The following VXN variants were observed in gnomAD, a reference collection of about 807,000 sequenced individuals.
VXN encodes the protein vexin.
VXN carries 7 observed loss-of-function variants against 23.1 expected under a neutral mutation model. The ratio of observed to expected loss-of-function variants is 0.30; its 90% CI spans 0.17 to 0.57. The LOEUF (loss-of-function observed/expected upper bound fraction) is 0.57, where lower values mean the gene tolerates loss of function less well. VXN is among the 20% of genes least tolerant of loss of function. VXN has a pLI of 0.91. For missense variants in VXN, 238 were observed against 272.6 expected (o/e 0.87, Z 0.89); for synonymous variants, 120 against 105.8 (o/e 1.13, Z -0.83).
chr8:66,511,054 T>G (rs1323846843), intron 4 of VXN, among the ~76,000 whole-genome samples: 1 of 152,176 alleles, frequency 6.6e-6, no homozygotes, highest in Non-Finnish European at 1.5e-5. Flanking sequence ...CTTGACAAGG[T>G]GGCCCTCTAC....
intron 2 of VXN, among the ~76,000 whole-genome samples, chr8:66,501,039 AT>A (rs552449727): frequency 2.0e-5 from 3 of 151,248 alleles, no homozygotes; most frequent in South Asian, 2.1e-4. Context: ...GGCCCAGCTA[AT>A]TTTTTTTGTA....
At chr8:66,514,671 C>A (rs1216502314) in intron 5 of VXN, among the ~76,000 whole-genome samples, 1 of 152,196 alleles carries the variant, frequency 6.6e-6, no homozygotes. Flanking sequence ...CTCAAGTGAT[C>A]CCCCTGCCTT....
At chr8:66,494,008 C>T (rs1238109269) in intron 1 of VXN, among the ~76,000 whole-genome samples, 1 of 152,194 alleles carries the variant, frequency 6.6e-6, no homozygotes, top group Non-Finnish European at 1.5e-5. Context: ...CAAGCCATTG[C>T]TATGCACACA....
intron 1 of VXN, among the ~76,000 whole-genome samples, chr8:66,494,073 G>A (rs1807598103): frequency 6.6e-6 from 1 of 152,082 alleles, no homozygotes; most frequent in Admixed American, 6.5e-5. Flanking sequence ...TTTCCAGTGA[G>A]CAAGTGGGTT....
At chr8:66,508,288 C>T (rs1023600373) in intron 3 of VXN, among the ~76,000 whole-genome samples, 1 of 152,084 alleles carries the variant, frequency 6.6e-6, no homozygotes, top group African/African-American at 2.4e-5. Flanking sequence ...CCCTGGCTCC[C>T]ACTCCCTTCA....
At chr8:66,494,830 C>T (rs921821678) in intron 1 of VXN, 3 of 152,080 alleles carry the variant, frequency 2.0e-5, no homozygotes, top group Non-Finnish European at 2.9e-5. Context: ...TTCACGGTGG[C>T]ATTGATTCTA....
At position 66,517,690 on chromosome 8, in the gene VXN, G is replaced by A. The variant is rs1309259191; in HGVS notation, c.*1614G>A. The A allele has an allele frequency of 2.0e-5, 3 of 152,160 alleles. No homozygotes were observed. The highest frequency in any genetic ancestry group is 2.9e-5 in the Non-Finnish European group (2 of 68,020). 9.4% of individuals were successfully genotyped at this position (152,160 alleles called of 1,614,324 possible). On this transcript the variant is annotated 3_prime_UTR_variant, in exon 6 of 6. Coordinates refer to ENST00000305454, the MANE Select transcript of VXN (RefSeq NM_152765.4). ...CTGTGGCCTAAACTCTGCCCCTGAA[G>A]GTTTGTTTTCTAATTCAGAGGTTTA... is the stretch of plus-strand genomic sequence containing the variant.
chr8:66,495,102 A>G (rs1586513957), intron 1 of VXN: 1 of 152,236 alleles, frequency 6.6e-6, no homozygotes, highest in African/African-American at 2.4e-5. Context: ...AGAAAAATAC[A>G]AAAACATAGA....
chr8:66,513,661 A>G lies in VXN; in HGVS notation c.440+24A>G, dbSNP rs773402498. ...GGGTAAGTGCTGCGTCTCTGGCCCC[A>G]CTGCCTGTGGCCTCCCACTGTCCTG... On this transcript the variant is annotated intron_variant, in intron 5 of 5. Transcript: ENST00000305454. The G allele has an allele frequency of 2.4e-5, 39 of 1,595,580 alleles. No homozygotes were observed. The East Asian group carries it at 7.6e-4, about 31-fold the overall frequency.
chr8:66,512,614 A>T (rs992506578), intron 4 of VXN, among the ~76,000 whole-genome samples: 2 of 152,036 alleles, frequency 1.3e-5, no homozygotes, highest in African/African-American at 4.8e-5. Flanking sequence ...CTCCTTTGGG[A>T]GGGCTGAGGA....
At chr8:66,515,199 G>T (rs1337512866) in intron 5 of VXN, among the ~76,000 whole-genome samples, 1 of 152,178 alleles carries the variant, frequency 6.6e-6, no homozygotes, top group Non-Finnish European at 1.5e-5. Flanking sequence ...TTCAGTCCAC[G>T]TGGCTGCGTT....
chr8:66,494,372 G>C (rs554667378), intron 1 of VXN, among the ~76,000 whole-genome samples: 2 of 152,196 alleles, frequency 1.3e-5, no homozygotes, highest in South Asian at 4.2e-4. Context: ...TCTGGTTCCT[G>C]GTCAGTCCCC....
At chr8:66,498,901 G>T in intron 2 of VXN, 1 of 449,276 alleles carries the variant, frequency 2.2e-6, no homozygotes, top group Non-Finnish European at 4.5e-6. Context: ...CTGAGAAGCT[G>T]CAGAAGAGAG....
chr8:66,496,110 T>A (rs964153556), intron 1 of VXN, among the ~76,000 whole-genome samples: 2 of 152,272 alleles, frequency 1.3e-5, no homozygotes, highest in Non-Finnish European at 2.9e-5. Flanking sequence ...TCAAGGTTCA[T>A]CCATGTGTGG....
chr8:66,507,449 G>A (rs1388788030), intron 3 of VXN, among the ~76,000 whole-genome samples: 1 of 152,130 alleles, frequency 6.6e-6, no homozygotes, highest in South Asian at 2.1e-4. Flanking sequence ...ACCCAAGGTC[G>A]CATTGCTTGT....
intron 2 of VXN, chr8:66,498,995 AG>A (rs1807658186): frequency 4.9e-6 from 1 of 205,822 alleles, no homozygotes; most frequent in Non-Finnish European, 1.1e-5. Context: ...ACCTTGAGCA[AG>A]TTGCTTAGCT....
At chr8:66,494,369 C>T (rs1024494263) in intron 1 of VXN, among the ~76,000 whole-genome samples, 1 of 152,096 alleles carries the variant, frequency 6.6e-6, no homozygotes, top group African/African-American at 2.4e-5. Context: ...GTGTCTGGTT[C>T]CTGGTCAGTC....
chr8:66,497,095 G>C (rs1807635819), intron 2 of VXN, among the ~76,000 whole-genome samples: 1 of 152,130 alleles, frequency 6.6e-6, no homozygotes, highest in African/African-American at 2.4e-5. Flanking sequence ...ATGTTGGCCA[G>C]GATGGTCTCG....
intron 2 of VXN, among the ~76,000 whole-genome samples, chr8:66,500,868 A>ATTT (rs1172553891): frequency 8.5e-4 from 97 of 114,134 alleles, no homozygotes; most frequent in Non-Finnish European, 1.2e-3. Flanking sequence ...AAAGGACATG[A>ATTT]TTTTTTTTTT....
Sources: allele counts gnomAD v4.1 joint callset (sites outside exome capture counted in the v4.1 genomes callset), GRCh38; gene constraint gnomAD v4.1.1; transcripts MANE v1.5; gene names NCBI Gene and HGNC (gene_info 2026-07-23, HGNC 2026-07-21).